Variants in BNC2 observed in about 807,000 individuals in gnomAD.
BNC2 encodes the protein basonuclin zinc finger protein 2.
BNC2 carries 20 observed loss-of-function variants against 76.3 expected under a neutral mutation model. The observed-to-expected ratio is 0.26, with a 90% CI of 0.18 to 0.38. The LOEUF (loss-of-function observed/expected upper bound fraction) is 0.38. BNC2 is among the 10% of genes least tolerant of loss of function. The pLI is 1.00. For synonymous variants in BNC2, 582 were observed against 514.8 expected (o/e 1.13, Z -1.77); for missense variants, 1,382 against 1,399.8 (o/e 0.99, Z 0.20).
intron 3 of BNC2, among the ~76,000 whole-genome samples, chr9:16,722,156 G>A (rs1432265671): frequency 3.3e-5 from 5 of 152,228 alleles, no homozygotes; most frequent in African/African-American, 1.2e-4. Context: ...GTAACGGACT[G>A]TTCCTTTGGA....
chr9:16,817,419 T>C (rs1488598512), intron 1 of BNC2, among the ~76,000 whole-genome samples: 2 of 152,246 alleles, frequency 1.3e-5, no homozygotes, highest in Admixed American at 6.5e-5. Context: ...TCATTTCTTA[T>C]ACTGCTATGG....
At chr9:16,626,207 A>T (rs921996232) in intron 3 of BNC2, 4 of 152,214 alleles carry the variant, frequency 2.6e-5, no homozygotes, top group Non-Finnish European at 4.4e-5. Context: ...CACAAAAGTG[A>T]GGAACAATTC....
At chr9:16,426,925 A>G (rs1820813294) in intron 6 of BNC2, among the ~76,000 whole-genome samples, 1 of 152,232 alleles carries the variant, frequency 6.6e-6, no homozygotes, top group African/African-American at 2.4e-5. Flanking sequence ...TTCCTGGTGT[A>G]TCACCATATA....
intron 3 of BNC2, among the ~76,000 whole-genome samples, chr9:16,705,942 G>C (rs932949275): frequency 6.6e-6 from 1 of 152,078 alleles, no homozygotes; most frequent in Non-Finnish European, 1.5e-5. Flanking sequence ...AAACAAACAA[G>C]CAACAATATT....
chr9:16,659,725 T>G (rs1269445877), intron 3 of BNC2, among the ~76,000 whole-genome samples: 2 of 152,212 alleles, frequency 1.3e-5, no homozygotes, highest in Admixed American at 6.5e-5. Context: ...CTCATTTTAT[T>G]CAGTTCTCTG....
intron 1 of BNC2, among the ~76,000 whole-genome samples, chr9:16,779,963 G>A (rs558883259): frequency 4.6e-5 from 7 of 152,192 alleles, no homozygotes; most frequent in Admixed American, 2.6e-4. Flanking sequence ...CTGGCCGGGC[G>A]TGGTGGCTCA....
chr9:16,756,833 C>A (rs915873345), intron 1 of BNC2, among the ~76,000 whole-genome samples: 1 of 151,626 alleles, frequency 6.6e-6, no homozygotes, highest in African/African-American at 2.4e-5. Context: ...ACTAAAAATA[C>A]AAAAAAAATT....
intron 3 of BNC2, among the ~76,000 whole-genome samples, chr9:16,724,962 A>T (rs1188528967): frequency 6.6e-6 from 1 of 151,998 alleles, no homozygotes; most frequent in Non-Finnish European, 1.5e-5. Flanking sequence ...AGAAAACTTT[A>T]AAAAAAATAA....
intron 6 of BNC2, chr9:16,429,828 C>T (rs1350078478): frequency 2.2e-6 from 1 of 448,524 alleles, no homozygotes; most frequent in African/African-American, 2.0e-5. Flanking sequence ...ATGAGTGGTG[C>T]AGTTCTTGTA....
In BNC2 at chr9:16,500,195, T is replaced by A. The variant is rs150340486; in HGVS notation, c.669+52335A>T. 1.2e-3 allele frequency among the ~76,000 whole-genome samples: 184 copies of A among 152,092 alleles called. 1 individual carries two copies. Among genetic ancestry groups the A allele is most frequent in the African/African-American group, 4.0e-3 (167 of 41,488 alleles). On this transcript the variant is annotated intron_variant, in intron 5 of 6. Coordinates refer to ENST00000380672, the MANE Select transcript of BNC2 (RefSeq NM_017637.6). Reference sequence around the variant, plus strand: ...CTACCCCTTTTCAAGACTATTCTCCTCACCATTCAGAATCCTACCCATCCA... The same window carrying A: ...CTACCCCTTTTCAAGACTATTCTCCACACCATTCAGAATCCTACCCATCCA...
intron 3 of BNC2, among the ~76,000 whole-genome samples, chr9:16,713,270 C>A (rs1180611954): frequency 6.6e-6 from 1 of 152,050 alleles, no homozygotes; most frequent in Non-Finnish European, 1.5e-5. Context: ...TAGTCATAGA[C>A]CTTTCAACAA....
intron 4 of BNC2, chr9:16,580,010 G>C: frequency 2.5e-6 from 1 of 398,080 alleles, no homozygotes; most frequent in South Asian, 1.3e-4. Context: ...ATGCATTTCA[G>C]AGGAAAATTA....
At chr9:16,850,247 C>A (rs766268207) in intron 1 of BNC2, among the ~76,000 whole-genome samples, 2 of 152,132 alleles carry the variant, frequency 1.3e-5, no homozygotes, top group Non-Finnish European at 2.9e-5. Flanking sequence ...GCACTTAAAA[C>A]ATAGAGCTGG....
intron 3 of BNC2, among the ~76,000 whole-genome samples, chr9:16,663,128 C>CTTTT (rs1220327938): frequency 1.9e-5 from 1 of 51,648 alleles, no homozygotes; most frequent in African/African-American, 6.9e-5. Context: ...ACTCTGTTTA[C>CTTTT]TCTTTTTTTT....
In BNC2 at chr9:16,502,665, G is replaced by A. The variant is rs574095305; in HGVS notation, c.669+49865C>T. ...CAAGGTCTTCCACAGGTCTGAGGAAGCCACAGAATCATGTAGGAAAGCTAT... is the reference window on the plus strand; with the variant it reads ...CAAGGTCTTCCACAGGTCTGAGGAAACCACAGAATCATGTAGGAAAGCTAT... On this transcript the variant is annotated intron_variant, in intron 5 of 6. Transcript: ENST00000380672. Among the ~76,000 whole-genome samples, 55 of 152,248 alleles carry A rather than the reference G, an allele frequency of 3.6e-4. No homozygotes were observed. The South Asian group carries it at 5.4e-3, about 15-fold the overall frequency.
chr9:16,517,353 C>T (rs775791142), intron 5 of BNC2, among the ~76,000 whole-genome samples: 1 of 152,074 alleles, frequency 6.6e-6, no homozygotes, highest in African/African-American at 2.4e-5. Context: ...CAAGGATATG[C>T]TACTATATAC....
chr9:16,446,108 C>T (rs1299228257), intron 5 of BNC2, among the ~76,000 whole-genome samples: 1 of 152,082 alleles, frequency 6.6e-6, no homozygotes, highest in Non-Finnish European at 1.5e-5. Context: ...AAGATTGATA[C>T]TTTAAAGGAG....
chr9:16,795,586 T>C (rs1817624921), intron 1 of BNC2, among the ~76,000 whole-genome samples: 1 of 152,096 alleles, frequency 6.6e-6, no homozygotes, highest in African/African-American at 2.4e-5. Flanking sequence ...AGGAGGATGG[T>C]GACACCATTA....
chr9:16,828,998 C>T (rs1458683756), intron 1 of BNC2, among the ~76,000 whole-genome samples: 4 of 90,752 alleles, frequency 4.4e-5, no homozygotes, highest in African/African-American at 1.0e-4. Context: ...AGGGGGGCGG[C>T]GGGGTGGGCT....
Sources: gnomAD v4.1 joint callset for allele counts (sites outside exome capture counted in the v4.1 genomes callset) on GRCh38, gnomAD v4.1.1 for gene constraint, MANE v1.5 for transcripts, NCBI Gene and HGNC (gene_info 2026-07-23, HGNC 2026-07-21) for gene names.